Variants in CDH12 observed in about 807,000 individuals in gnomAD.
CDH12 encodes the protein cadherin-12.
Under a neutral mutation model 74.1 loss-of-function variants are expected in CDH12, and 41 were observed. That is an observed-to-expected ratio of 0.55 (90% CI 0.43 to 0.72). The LOEUF is 0.72. Ranked by LOEUF, CDH12 falls within the 30% of genes least tolerant of loss-of-function variation. The probability of loss-of-function intolerance (pLI) is 0.00; values close to 1 mark genes in which losing one functional copy is unlikely to be tolerated. For missense variants in CDH12, 945 were observed against 977.2 expected (o/e 0.97, Z 0.44); for synonymous variants, 399 against 355.0 (o/e 1.12, Z -1.39).
Position 22,038,703 on chromosome 5 carries a change from C to G in CDH12, c.231+39743G>C, listed in dbSNP as rs746010948. ...CTGGGCCTTGGCCATCCAGAGCAGT[C>G]ATGCATCAGTTGACACCCAGAGAAG... On this transcript the variant is annotated intron_variant, in intron 5 of 14. Transcript: ENST00000382254. Among the ~76,000 whole-genome samples, 132 of 152,300 alleles carry G rather than the reference C, an allele frequency of 8.7e-4. 2 individuals are homozygous for G. The highest frequency in any genetic ancestry group is 1.2e-3 in the Non-Finnish European group (85 of 68,032).
intron 8 of CDH12, among the ~76,000 whole-genome samples, chr5:21,830,198 T>TAAAAAA (rs1561221170): frequency 3.6e-5 from 1 of 28,114 alleles, no homozygotes; most frequent in East Asian, 1.7e-3. Flanking sequence ...AAACTCCTTC[T>TAAAAAA]CAAAAAAAAA....
chr5:22,005,474 T>C (rs1736890989), intron 5 of CDH12, among the ~76,000 whole-genome samples: 1 of 152,142 alleles, frequency 6.6e-6, no homozygotes, highest in African/African-American at 2.4e-5. Flanking sequence ...AAATGATTCC[T>C]TTTCCTTTGT....
At chr5:21,752,950 C>T (rs1744182096) in intron 14 of CDH12, among the ~76,000 whole-genome samples, 1 of 152,116 alleles carries the variant, frequency 6.6e-6, no homozygotes, top group East Asian at 1.9e-4. Context: ...TTCAGGTTAC[C>T]TTCATAAAAC....
At chr5:22,079,075 G>A (rs895108989) in intron 4 of CDH12, among the ~76,000 whole-genome samples, 35 of 152,222 alleles carry the variant, frequency 2.3e-4, no homozygotes, top group Admixed American at 5.9e-4. Flanking sequence ...TTACAATGAA[G>A]CAAAAGGTGC....
chr5:22,241,723 G>C (rs773628078), intron 3 of CDH12, among the ~76,000 whole-genome samples: 1 of 151,742 alleles, frequency 6.6e-6, no homozygotes, highest in Non-Finnish European at 1.5e-5. Flanking sequence ...GACCATGATG[G>C]CTATGAGTAC....
chr5:22,820,809 G>A (rs1330445669), intron 1 of CDH12, among the ~76,000 whole-genome samples: 5 of 152,098 alleles, frequency 3.3e-5, no homozygotes, highest in Non-Finnish European at 7.3e-5. Flanking sequence ...AGAGGTACAA[G>A]GAGGAACCGG....
chr5:21,863,616 C>G (rs1379315144), intron 6 of CDH12, among the ~76,000 whole-genome samples: 3 of 152,052 alleles, frequency 2.0e-5, no homozygotes, highest in Non-Finnish European at 4.4e-5. Flanking sequence ...TAAAGAGTGA[C>G]CTGGTAGCTG....
chr5:22,470,425 A>G (rs1057175009), intron 2 of CDH12, among the ~76,000 whole-genome samples: 2 of 146,348 alleles, frequency 1.4e-5, no homozygotes, highest in Non-Finnish European at 3.0e-5. Context: ...TATTTATTTT[A>G]TTTTTGGTAG....
In CDH12 at chr5:22,699,366, C is replaced by T. The variant is rs1425002113; in HGVS notation, c.-523+153692G>A. Among the ~76,000 whole-genome samples the T allele has an allele frequency of 4.6e-5, 7 of 152,144 alleles. No homozygotes were observed. The East Asian group carries it at 1.3e-3, about 29-fold the overall frequency. ...ACATGTTTGTTAACACGATTAACTA[C>T]AAAGTGGGATTTCATGTGAATGAAT... On this transcript the variant is annotated intron_variant, in intron 1 of 14. Coordinates refer to ENST00000382254, the MANE Select transcript of CDH12 (RefSeq NM_004061.5).
intron 3 of CDH12, among the ~76,000 whole-genome samples, chr5:22,250,956 A>G (rs1753112951): frequency 6.6e-6 from 1 of 152,208 alleles, no homozygotes. Context: ...AGAAAGGTAG[A>G]CTAAAATAAG....
chr5:22,545,924 T>A (rs1262341954), intron 1 of CDH12, among the ~76,000 whole-genome samples: 1 of 148,362 alleles, frequency 6.7e-6, no homozygotes, highest in African/African-American at 2.5e-5. Flanking sequence ...ACTGTCTAGA[T>A]TTTTGTTGTT....
At position 22,420,085 on chromosome 5, in the gene CDH12, G is replaced by C. The variant is rs537228014; in HGVS notation, c.-427-14734C>G. Among the ~76,000 whole-genome samples, 3 of 152,028 alleles carry C rather than the reference G, an allele frequency of 2.0e-5. No individual in the cohort carries two copies. In the East Asian group the frequency reaches 5.8e-4, roughly 29 times the overall value. On this transcript the variant is annotated intron_variant, in intron 2 of 14. Transcript: ENST00000382254. ...GATTCTGGATATCAAACCTTTGTCA[G>C]ATGGATACATTTCAAAATTTTCTCC...
chr5:22,006,698 C>T (rs963533085), intron 5 of CDH12, among the ~76,000 whole-genome samples: 3 of 151,962 alleles, frequency 2.0e-5, no homozygotes, highest in Non-Finnish European at 4.4e-5. Flanking sequence ...TTCTTTTTAA[C>T]TTCATTAGTT....
At chr5:22,715,475 T>C (rs959357788) in intron 1 of CDH12, among the ~76,000 whole-genome samples, 1 of 152,188 alleles carries the variant, frequency 6.6e-6, no homozygotes, top group Non-Finnish European at 1.5e-5. Context: ...GATTGATGTT[T>C]GAGCAGCAGA....
At chr5:22,428,937 C>A (rs1561397398) in intron 2 of CDH12, among the ~76,000 whole-genome samples, 1 of 152,026 alleles carries the variant, frequency 6.6e-6, no homozygotes, top group Non-Finnish European at 1.5e-5. Flanking sequence ...CTCAGGCCAA[C>A]CTTATACCAT....
intron 1 of CDH12, among the ~76,000 whole-genome samples, chr5:22,681,665 G>A (rs1322369891): frequency 2.0e-5 from 3 of 151,988 alleles, no homozygotes; most frequent in Admixed American, 2.0e-4. Context: ...CCCTTCCAAA[G>A]ATCTATAAGT....
chr5:22,798,274 C>A (rs193024975), intron 1 of CDH12, among the ~76,000 whole-genome samples: 5 of 152,072 alleles, frequency 3.3e-5, no homozygotes, highest in African/African-American at 1.2e-4. Context: ...GACCTGATAA[C>A]CAATTTGATA....
chr5:22,470,984 A>C (rs2662512), intron 2 of CDH12, among the ~76,000 whole-genome samples: 86,272 of 151,842 alleles, frequency 0.57, 24,722 homozygotes, highest in Admixed American at 0.7. Flanking sequence ...GGGCATGTCC[A>C]AGAAGTGGAC....
At chr5:22,699,018 A>T (rs1742573371) in intron 1 of CDH12, among the ~76,000 whole-genome samples, 1 of 151,858 alleles carries the variant, frequency 6.6e-6, no homozygotes, top group African/African-American at 2.4e-5. Flanking sequence ...CTGATCTGAA[A>T]AGTAATTTGG....
Sources: allele counts gnomAD v4.1 joint callset (sites outside exome capture counted in the v4.1 genomes callset), GRCh38; gene constraint gnomAD v4.1.1; transcripts MANE v1.5; gene names NCBI Gene and HGNC (gene_info 2026-07-23, HGNC 2026-07-21).